The following ACSM6 variants were observed in gnomAD, a reference collection of about 807,000 sequenced individuals.
ACSM6 encodes acyl-CoA synthetase medium chain family member 6, also known as acyl-coenzyme A synthetase ACSM6, mitochondrial.
In ACSM6, 35 loss-of-function variants were observed where a neutral mutation model predicts 51.1. The observed-to-expected ratio is 0.69, with a 90% CI of 0.52 to 0.91. The LOEUF is 0.91. Ranked by LOEUF, ACSM6 falls within the 40% of genes least tolerant of loss-of-function variation. ACSM6 has a pLI of 0.00. For synonymous variants in ACSM6, 172 were observed against 207.3 expected, an observed-to-expected ratio of 0.83 and a Z score of 1.46; for missense variants, 509 against 584.1, an observed-to-expected ratio of 0.87 and a Z score of 1.32.
At chr10:95,211,120 C>A (rs1426850581) in intron 5 of ACSM6, among the ~76,000 whole-genome samples, 1 of 152,128 alleles carries the variant, frequency 6.6e-6, no homozygotes, top group Admixed American at 6.5e-5. Flanking sequence ...ATTGTGTTGA[C>A]CACTATATGT....
intron 2 of ACSM6, among the ~76,000 whole-genome samples, chr10:95,196,631 A>ATAAC (rs577596319): frequency 2.6e-5 from 4 of 152,242 alleles, no homozygotes; most frequent in South Asian, 2.1e-4. Context: ...CATTCTATAT[A>ATAAC]TAACTATTTG....
exon 11 of ACSM6, chr10:95,228,665 T>G: frequency 6.4e-7 from 1 of 1,551,678 alleles, no homozygotes; most frequent in Non-Finnish European, 8.7e-7. Context: ...GGAATATGCT[T>G]CAGCAAGAGG....
chr10:95,197,237 C>T (rs553294419), intron 2 of ACSM6, among the ~76,000 whole-genome samples: 3 of 152,106 alleles, frequency 2.0e-5, no homozygotes, highest in East Asian at 1.9e-4. Flanking sequence ...TATTTCTAGT[C>T]GGGTGGGACG....
intron 10 of ACSM6, chr10:95,226,182 T>C (rs1177620623): frequency 1.3e-5 from 2 of 152,214 alleles, no homozygotes; most frequent in African/African-American, 2.4e-5. Flanking sequence ...GTGTAACAAT[T>C]TGAGACTCTG....
At chr10:95,215,069 T>C in intron 8 of ACSM6, 94 bp downstream of exon 8, 1 of 1,400,728 alleles carries the variant, frequency 7.1e-7, no homozygotes, top group Non-Finnish European at 9.6e-7. Context: ...GCACTAGAAA[T>C]GCACAACTGG....
chr10:95,227,498 A>C (rs1197804593), intron 10 of ACSM6, among the ~76,000 whole-genome samples: 1 of 152,222 alleles, frequency 6.6e-6, no homozygotes, highest in Admixed American at 6.5e-5. Flanking sequence ...AAATATTTTA[A>C]TAATTTCTGT....
rs374702243 is a variant in ACSM6 at position 95,228,592 on chromosome 10, A to C, written c.1303-52A>C. 1.2e-5 allele frequency: 19 copies of C among 1,524,708 alleles called. 2 individuals carry two copies. The East Asian group carries it at 2.7e-4, about 22-fold the overall frequency. The allele number at this position is 1,524,708 out of a possible 1,614,324, so 94.4% of individuals were successfully genotyped here. A position where few individuals can be genotyped will look rare whatever the true frequency, so the allele number is the denominator to read the frequency against. On this transcript the variant is annotated intron_variant, in intron 10 of 10. Transcript: ENST00000341686. ...CAGAGTGCTCAATTCATATCACTAA[A>C]TGATTGTGAGAGGGAAGTAAATGTA...
chr10:95,219,507 G>T (rs2034974126), intron 8 of ACSM6, among the ~76,000 whole-genome samples: 1 of 152,148 alleles, frequency 6.6e-6, no homozygotes, highest in South Asian at 2.1e-4. Flanking sequence ...GCTACCATTT[G>T]TTCCAATTAA....
chr10:95,199,579 A>G (rs2034770300), intron 2 of ACSM6, among the ~76,000 whole-genome samples: 1 of 152,162 alleles, frequency 6.6e-6, no homozygotes, highest in Admixed American at 6.5e-5. Flanking sequence ...ACAGAATGGG[A>G]GAAAATTTTT....
chr10:95,195,731 C>T (rs1308000727), intron 2 of ACSM6, among the ~76,000 whole-genome samples: 2 of 152,130 alleles, frequency 1.3e-5, no homozygotes, highest in African/African-American at 4.8e-5. Context: ...CCTTCATCAC[C>T]CGCTTTGGGA....
chr10:95,222,957 A>C (rs1401430641), intron 9 of ACSM6, among the ~76,000 whole-genome samples: 1 of 152,028 alleles, frequency 6.6e-6, no homozygotes, highest in East Asian at 1.9e-4. Flanking sequence ...TTATCTTCAA[A>C]CTCATCAAGT....
At chr10:95,203,601 A>G (rs2034814643) in intron 3 of ACSM6, among the ~76,000 whole-genome samples, 1 of 152,064 alleles carries the variant, frequency 6.6e-6, no homozygotes, top group African/African-American at 2.4e-5. Flanking sequence ...CAATCCTCCA[A>G]CATAAACAGG....
At chr10:95,203,527 T>G (rs1459149671) in intron 3 of ACSM6, among the ~76,000 whole-genome samples, 1 of 152,080 alleles carries the variant, frequency 6.6e-6, no homozygotes, top group Non-Finnish European at 1.5e-5. Context: ...TCACCCTGAA[T>G]GAGCTTGGGA....
intron 8 of ACSM6, among the ~76,000 whole-genome samples, chr10:95,218,847 C>G (rs764407067): frequency 3.3e-5 from 5 of 151,146 alleles, no homozygotes; most frequent in African/African-American, 7.3e-5. Context: ...AGAGAGATTA[C>G]TATGGCCATC....
intron 8 of ACSM6, 131 bp downstream of exon 8, chr10:95,215,106 C>T: frequency 2.7e-6 from 3 of 1,101,814 alleles, no homozygotes; most frequent in Non-Finnish European, 1.3e-6. Context: ...GAGGAAATGG[C>T]TTAAACTAGG....
At chr10:95,227,901 C>A (rs568331527) in intron 10 of ACSM6, among the ~76,000 whole-genome samples, 1 of 152,170 alleles carries the variant, frequency 6.6e-6, no homozygotes, top group Non-Finnish European at 1.5e-5. Context: ...AACCCCATCT[C>A]TACTAAAAAT....
At chr10:95,219,826 C>G (rs761274536) in intron 8 of ACSM6, 65 bp from the exon 9 acceptor site, 1 of 1,204,274 alleles carries the variant, frequency 8.3e-7, no homozygotes, top group Non-Finnish European at 1.2e-6. Context: ...TGGTTATGAT[C>G]AATAACTAGA....
chr10:95,209,960 TAGGCTG>T (rs2034878153), intron 4 of ACSM6, among the ~76,000 whole-genome samples: 1 of 152,180 alleles, frequency 6.6e-6, no homozygotes, highest in Non-Finnish European at 1.5e-5. Context: ...ATCTGGATTA[TAGGCTG>T]TGTGAGGACT....
chr10:95,211,886 T>A (rs2034896505), exon 6 of ACSM6: 1 of 1,604,682 alleles, frequency 6.2e-7, no homozygotes, highest in Admixed American at 1.7e-5. Flanking sequence ...AGACGGTGGA[T>A]GGATCTCCAG....
Sources: allele counts gnomAD v4.1 joint callset (sites outside exome capture counted in the v4.1 genomes callset), GRCh38; gene constraint gnomAD v4.1.1; transcripts MANE v1.5; gene names NCBI Gene and HGNC (gene_info 2026-07-23, HGNC 2026-07-21).